TYW1B: variants seen among roughly 807,000 people sequenced by gnomAD.
TYW1B encodes tRNA-yW synthesizing protein 1 homolog B, also known as S-adenosyl-L-methionine-dependent tRNA 4-demethylwyosine synthase TYW1B.
Under a neutral mutation model 86.9 loss-of-function variants are expected in TYW1B, and 73 were observed. The observed-to-expected ratio is 0.84, with a 90% CI of 0.70 to 1.02. The LOEUF (loss-of-function observed/expected upper bound fraction) is 1.02, where lower values mean the gene tolerates loss of function less well. TYW1B is among the 50% of genes least tolerant of loss of function. The probability of loss-of-function intolerance (pLI) is 0.00; values close to 1 mark genes in which losing one functional copy is unlikely to be tolerated. For synonymous variants in TYW1B, 248 were observed against 292.8 expected (o/e 0.85, Z 1.56); for missense variants, 637 against 827.4 (o/e 0.77, Z 2.82).
chr7:72,748,137 C>T (rs1360487334), intron 7 of TYW1B, among the ~76,000 whole-genome samples: 3 of 152,076 alleles, frequency 2.0e-5, no homozygotes, highest in African/African-American at 7.2e-5. Context: ...GGCTTGGTGG[C>T]GGGCGCCTGT....
At chr7:72,815,328 G>A in intron 3 of TYW1B, 52 bp downstream of exon 3, 3 of 1,444,524 alleles carry the variant, frequency 2.1e-6, no homozygotes, top group South Asian at 1.3e-5. Context: ...TGTGAAGATT[G>A]CAGATCAGTT....
intron 6 of TYW1B, among the ~76,000 whole-genome samples, chr7:72,779,203 C>T (rs1324274545): frequency 6.6e-6 from 1 of 152,232 alleles, no homozygotes; most frequent in Non-Finnish European, 1.5e-5. Context: ...AATGGACTCA[C>T]TGTAACACCA....
chr7:72,716,637 T>TTGC (rs1786790113), intron 9 of TYW1B, among the ~76,000 whole-genome samples: 2 of 151,452 alleles, frequency 1.3e-5, no homozygotes, highest in African/African-American at 4.9e-5. Context: ...GTGGCTGTTG[T>TTGC]TGTTGTTGTT....
At chr7:72,598,456 C>T (rs1243105918) in intron 13 of TYW1B, among the ~76,000 whole-genome samples, 1 of 152,044 alleles carries the variant, frequency 6.6e-6, no homozygotes, top group Non-Finnish European at 1.5e-5. Context: ...ACAACAAAAT[C>T]CAAAATATGC....
intron 13 of TYW1B, among the ~76,000 whole-genome samples, chr7:72,580,130 G>A (rs782789823): frequency 3.3e-5 from 5 of 152,128 alleles, no homozygotes; most frequent in Admixed American, 6.6e-5. Flanking sequence ...GTCCTTAAGA[G>A]TAAGTTATTC....
At chr7:72,629,214 T>C (rs539430380) in intron 11 of TYW1B, among the ~76,000 whole-genome samples, 2 of 152,330 alleles carry the variant, frequency 1.3e-5, no homozygotes, top group South Asian at 2.1e-4. Context: ...TACTGACATA[T>C]TTCTTTTCTC....
intron 7 of TYW1B, among the ~76,000 whole-genome samples, chr7:72,767,904 C>A (rs1257745345): frequency 1.3e-5 from 2 of 152,004 alleles, no homozygotes; most frequent in Non-Finnish European, 2.9e-5. Context: ...TACCTCACAC[C>A]ATTCATAAAA....
intron 11 of TYW1B, among the ~76,000 whole-genome samples, chr7:72,644,478 G>T (rs570607709): frequency 6.6e-6 from 1 of 152,254 alleles, no homozygotes; most frequent in African/African-American, 2.4e-5. Flanking sequence ...AACTCAGGAG[G>T]CAGAGGTTGC....
At chr7:72,771,712 A>ATTTTT (rs60247630) in intron 7 of TYW1B, among the ~76,000 whole-genome samples, 1 of 149,108 alleles carries the variant, frequency 6.7e-6, no homozygotes, top group African/African-American at 2.5e-5. Context: ...ATTTAGCAAA[A>ATTTTT]TTTTTTTTTT....
At chr7:72,690,512 T>C (rs571668476) in intron 11 of TYW1B, among the ~76,000 whole-genome samples, 1 of 152,298 alleles carries the variant, frequency 6.6e-6, no homozygotes, top group Non-Finnish European at 1.5e-5. Context: ...AAAAACAAAA[T>C]ATGCTACCTT....
intron 10 of TYW1B, among the ~76,000 whole-genome samples, chr7:72,701,615 C>G (rs1374873075): frequency 6.6e-6 from 1 of 152,054 alleles, no homozygotes; most frequent in Non-Finnish European, 1.5e-5. Flanking sequence ...ACCTCTCAAC[C>G]CAGGTTTGTT....
chr7:72,746,966 GTGTGAGGT>G (rs1243052058), intron 7 of TYW1B, among the ~76,000 whole-genome samples: 1 of 152,172 alleles, frequency 6.6e-6, no homozygotes, highest in Non-Finnish European at 1.5e-5. Context: ...TTTATATAAG[GTGTGAGGT>G]TTAAGACACT....
intron 13 of TYW1B, among the ~76,000 whole-genome samples, chr7:72,579,288 T>A (rs544225860): frequency 6.6e-6 from 1 of 152,286 alleles, no homozygotes; most frequent in African/African-American, 2.4e-5. Context: ...TGCTCTGCTT[T>A]AAAATGGAAG....
chr7:72,774,213 A>T (rs1787913996), intron 7 of TYW1B, among the ~76,000 whole-genome samples: 1 of 152,082 alleles, frequency 6.6e-6, no homozygotes, highest in African/African-American at 2.4e-5. Flanking sequence ...GTCAGACTAG[A>T]AATCTAAAGA....
In TYW1B at chr7:72,807,415, C is replaced by T. The variant is rs1788520004; in HGVS notation, c.433-59G>A. 7.0e-6 allele frequency: 11 copies of T among 1,564,612 alleles called. No individual in the cohort carries two copies. In the South Asian group the frequency reaches 1.3e-4, roughly 19 times the overall value. ...GTTCTCTAAATCAGGGTTTTCCAGACTGCTCTGCAAAAGCCCAAAGTCCTT... is the reference window on the plus strand; with the variant it reads ...GTTCTCTAAATCAGGGTTTTCCAGATTGCTCTGCAAAAGCCCAAAGTCCTT... On this transcript the variant is annotated intron_variant, in intron 4 of 13. Coordinates refer to ENST00000620995, the MANE Select transcript of TYW1B (RefSeq NM_001145440.3).
chr7:72,735,106 A>G (rs1343803164), intron 8 of TYW1B, among the ~76,000 whole-genome samples: 2 of 152,204 alleles, frequency 1.3e-5, no homozygotes, highest in East Asian at 3.9e-4. Flanking sequence ...TACTGAATAT[A>G]CATCCAAAGG....
At chr7:72,682,349 C>T (rs1179233773) in intron 11 of TYW1B, among the ~76,000 whole-genome samples, 2 of 152,046 alleles carry the variant, frequency 1.3e-5, no homozygotes, top group East Asian at 3.9e-4. Context: ...ATAAATGGTA[C>T]TTGGGAATGA....
chr7:72,763,014 C>T (rs1242779575), intron 7 of TYW1B, among the ~76,000 whole-genome samples: 7 of 151,746 alleles, frequency 4.6e-5, no homozygotes, highest in African/African-American at 1.7e-4. Flanking sequence ...CACTCATGAC[C>T]CTCGATATAC....
At chr7:72,772,842 GTGA>G (rs1232272902) in intron 7 of TYW1B, among the ~76,000 whole-genome samples, 3 of 152,188 alleles carry the variant, frequency 2.0e-5, no homozygotes, top group African/African-American at 7.2e-5. Flanking sequence ...TATTCACACT[GTGA>G]TGATTATTGG....
Sources: gnomAD v4.1 joint callset for allele counts (sites outside exome capture counted in the v4.1 genomes callset) on GRCh38, gnomAD v4.1.1 for gene constraint, MANE v1.5 for transcripts, NCBI Gene and HGNC (gene_info 2026-07-23, HGNC 2026-07-21) for gene names.